TAF11: variants seen among roughly 807,000 people sequenced by gnomAD.
The protein encoded by TAF11 is transcription initiation factor TFIID subunit 11.
TAF11 carries 10 observed loss-of-function variants against 23.0 expected under a neutral mutation model. That is an observed-to-expected ratio of 0.43 (90% CI 0.27 to 0.74). The LOEUF (loss-of-function observed/expected upper bound fraction) is 0.74. Among genes scored for constraint, TAF11 ranks in the 30% least tolerant of loss-of-function variants. The pLI is 0.19. For synonymous variants in TAF11, 85 were observed against 95.8 expected (o/e 0.89, Z 0.66); for missense variants, 196 against 261.7 (o/e 0.75, Z 1.73).
intron 1 of TAF11, among the ~76,000 whole-genome samples, chr6:34,884,478 GA>G (rs1050326165): frequency 2.6e-5 from 4 of 151,996 alleles, no homozygotes; most frequent in African/African-American, 9.7e-5. Flanking sequence ...ATAACTAAGG[GA>G]CACTAGGCTT....
At position 34,883,050 on chromosome 6, in the gene TAF11, T is replaced by C; in HGVS notation, c.202A>G (p.Thr68Ala). The change falls in exon 2 of 5, where the codon ACA becomes GCA. Residue 68 changes from threonine (T) to alanine (A), a missense_variant. Coordinates refer to ENST00000361288, the MANE Select transcript of TAF11 (RefSeq NM_005643.4). ...LESQDVSDLT[T>A]VEREDSSLLN... ...AATGATGAGTCTTCCCTTTCAACTG[T>C]TGTTAAATCTGAGACATCCTGACTC... 5.6e-6 allele frequency: 9 copies of C among 1,610,324 alleles called. No homozygotes were observed. Among genetic ancestry groups the C allele is most frequent in the Non-Finnish European group, 6.8e-6 (8 of 1,178,992 alleles).
intron 1 of TAF11, among the ~76,000 whole-genome samples, chr6:34,887,423 A>C (rs1766548384): frequency 6.6e-6 from 1 of 152,162 alleles, no homozygotes; most frequent in Non-Finnish European, 1.5e-5. Flanking sequence ...AAGAGGAACC[A>C]TATTGCGGTG....
chr6:34,883,139 G>A (rs1453998656), intron 1 of TAF11, 59 bp from the exon 2 acceptor site: 2 of 1,534,334 alleles, frequency 1.3e-6, no homozygotes, highest in African/African-American at 2.8e-5. Flanking sequence ...CTTGGGCAAA[G>A]TAAGAAGACA....
intron 4 of TAF11, 82 bp from the exon 5 acceptor site, chr6:34,878,802 GTTAACTTTTC>G: frequency 7.9e-7 from 1 of 1,273,710 alleles, no homozygotes; most frequent in South Asian, 1.3e-5. Context: ...TGTAATTCTT[GTTAACTTTTC>G]TTAAGCTTGC....
At position 34,877,738 on chromosome 6, in the gene TAF11, C is replaced by G. The variant is rs2127430958; in HGVS notation, c.*852G>C. The stretch of plus-strand genomic sequence containing the variant: ...AACACCAAAAAAGAATGATCAACTT[C>G]CCATTCCAACCAGCTAGACAGAAAA... On this transcript the variant is annotated 3_prime_UTR_variant, in exon 5 of 5. Transcript: ENST00000361288. 6.6e-6 allele frequency: 1 copy of G among 152,242 alleles called. No homozygotes were observed. The highest frequency in any genetic ancestry group is 1.9e-4 in the East Asian group (1 of 5,182). The allele number at this position is 152,242 out of a possible 1,614,324, so 9.4% of individuals were successfully genotyped here. A position where few individuals can be genotyped will look rare whatever the true frequency, so the allele number is the denominator to read the frequency against.
chr6:34,879,083 T>C (rs887467553), intron 4 of TAF11, among the ~76,000 whole-genome samples: 2 of 152,098 alleles, frequency 1.3e-5, no homozygotes, highest in Non-Finnish European at 2.9e-5. Flanking sequence ...TGCGCACCTG[T>C]GGTCTCAACT....
intron 4 of TAF11, chr6:34,879,281 G>T: frequency 1.7e-6 from 1 of 604,402 alleles, no homozygotes; most frequent in Non-Finnish European, 2.1e-6. Context: ...TACTTGGGAG[G>T]CTGAGGCAAG....
Position 34,880,940 on chromosome 6 carries a change from A to G in TAF11, c.321-564T>C, listed in dbSNP as rs1371428438. Among the ~76,000 whole-genome samples the G allele has an allele frequency of 1.3e-5, 2 of 152,232 alleles. No homozygotes were observed. The highest frequency in any genetic ancestry group is 1.3e-4 in the Admixed American group (2 of 15,282). On this transcript the variant is annotated intron_variant, in intron 2 of 4. Coordinates refer to ENST00000361288, the MANE Select transcript of TAF11 (RefSeq NM_005643.4). The surrounding 1 kb of genome is among the most constrained non-coding windows in gnomAD (Gnocchi z 4.8). The stretch of plus-strand genomic sequence containing the variant: ...AACTAAGGAAATATTATTTTCATAG[A>G]TAACATTTTTCATAAATCAGACCAC...
intron 4 of TAF11, 84 bp from the exon 5 acceptor site, chr6:34,878,804 TA>T: frequency 8.2e-7 from 1 of 1,220,098 alleles, no homozygotes; most frequent in Non-Finnish European, 1.2e-6. Flanking sequence ...TAATTCTTGT[TA>T]ACTTTTCTTA....
rs772984958 is a variant in TAF11 at position 34,878,567 on chromosome 6, CAT to C, written c.*21_*22del. Reference sequence around the variant, plus strand: ...GAACCAATACTTCTTCCGTCAGTAACATAGGCCTTTCTAGACTTTGGTCTAGA... The same window carrying C: ...GAACCAATACTTCTTCCGTCAGTAACAGGCCTTTCTAGACTTTGGTCTAGA... On this transcript the variant is annotated 3_prime_UTR_variant, in exon 5 of 5. Coordinates refer to ENST00000361288, the MANE Select transcript of TAF11 (RefSeq NM_005643.4). The C allele has an allele frequency of 3.8e-6, 5 of 1,299,694 alleles. 1 individual carries two copies. In the South Asian group the frequency reaches 4.7e-5, roughly 12 times the overall value. The allele number at this position is 1,299,694 out of a possible 1,614,324, so 80.5% of individuals were successfully genotyped here. A position where few individuals can be genotyped will look rare whatever the true frequency, so the allele number is the denominator to read the frequency against.
intron 4 of TAF11, chr6:34,879,348 T>TA (rs1283127825): frequency 1.0e-6 from 1 of 956,706 alleles, no homozygotes; most frequent in Non-Finnish European, 1.2e-6. Context: ...ACACCACTGT[T>TA]ACCATCTCAT....
At chr6:34,879,290 A>G (rs545589438) in intron 4 of TAF11, 2 of 704,006 alleles carry the variant, frequency 2.8e-6, no homozygotes, top group East Asian at 1.3e-4. Flanking sequence ...GGCTGAGGCA[A>G]GAGGATCCTT....
intron 1 of TAF11, among the ~76,000 whole-genome samples, chr6:34,886,204 C>G (rs1766522003): frequency 6.6e-6 from 1 of 151,860 alleles, no homozygotes; most frequent in South Asian, 2.1e-4. Context: ...ACTGGGGAGG[C>G]TGGGATAAGA....
In TAF11 at chr6:34,880,166, T is replaced by C; in HGVS notation, c.409-103A>G. The C allele has an allele frequency of 6.7e-7, 1 of 1,496,486 alleles. No individual in the cohort carries two copies. Among genetic ancestry groups the C allele is most frequent in the South Asian group, 1.2e-5 (1 of 86,352 alleles). 92.7% of individuals were successfully genotyped at this position (1,496,486 alleles called of 1,614,324 possible). A position where few individuals can be genotyped will look rare whatever the true frequency, so the allele number is the denominator to read the frequency against. On this transcript the variant is annotated intron_variant, in intron 3 of 4. Coordinates refer to ENST00000361288, the MANE Select transcript of TAF11 (RefSeq NM_005643.4). The surrounding 1 kb of genome is among the most constrained non-coding windows in gnomAD (Gnocchi z 4.8). ...AAAAAGGTAAGATAACTGAAGTGCA[T>C]TTTTTTTCCCACCTAAATAATCCCC...
chr6:34,885,103 A>T (rs1766505452), intron 1 of TAF11, among the ~76,000 whole-genome samples: 1 of 110,474 alleles, frequency 9.1e-6, no homozygotes, highest in African/African-American at 7.3e-5. Context: ...TTTGTTCTTT[A>T]TCTTTTTTTT....
intron 1 of TAF11, among the ~76,000 whole-genome samples, chr6:34,885,550 T>C (rs888441628): frequency 6.6e-6 from 1 of 152,230 alleles, no homozygotes; most frequent in African/African-American, 2.4e-5. Context: ...TGGTACATGA[T>C]CGATTTTTAA....
intron 4 of TAF11, 54 bp from the exon 5 acceptor site, chr6:34,878,774 C>T (rs1325584388): frequency 2.2e-5 from 32 of 1,484,190 alleles, no homozygotes; most frequent in Non-Finnish European, 2.8e-5. Context: ...TTACTAATCA[C>T]ATAATCCTTT....
chr6:34,885,597 C>T (rs969492896), intron 1 of TAF11, among the ~76,000 whole-genome samples: 1 of 152,108 alleles, frequency 6.6e-6, no homozygotes, highest in South Asian at 2.1e-4. Context: ...ATCCTCTGTT[C>T]GGTGCAAATT....
intron 4 of TAF11, chr6:34,879,471 C>G (rs1404662931): frequency 1.0e-6 from 1 of 967,390 alleles, no homozygotes; most frequent in African/African-American, 1.8e-5. Context: ...GAGACCCTGT[C>G]TCAAAAAATA....
Sources: allele counts gnomAD v4.1 joint callset (sites outside exome capture counted in the v4.1 genomes callset), GRCh38; gene constraint gnomAD v4.1.1; non-coding constraint Gnocchi (gnomAD v3.1); transcripts MANE v1.5; gene names NCBI Gene and HGNC (gene_info 2026-07-23, HGNC 2026-07-21).